DOK6: variants seen among roughly 807,000 people sequenced by gnomAD.
DOK6 encodes downstream of tyrosine kinase 6.
DOK6 carries 22 observed loss-of-function variants against 44.0 expected under a neutral mutation model. The ratio of observed to expected loss-of-function variants is 0.50; its 90% CI spans 0.36 to 0.71. DOK6 has a LOEUF of 0.71. Among genes scored for constraint, DOK6 ranks in the 30% least tolerant of loss-of-function variants. The probability of loss-of-function intolerance (pLI) is 0.00; values close to 1 mark genes in which losing one functional copy is unlikely to be tolerated. For missense variants in DOK6, 340 were observed against 416.4 expected (o/e 0.82, Z 1.60); for synonymous variants, 166 against 145.5 (o/e 1.14, Z -1.01).
At chr18:69,449,562 CT>C (rs1301985156) in intron 1 of DOK6, among the ~76,000 whole-genome samples, 2 of 152,178 alleles carry the variant, frequency 1.3e-5, no homozygotes, top group Admixed American at 6.5e-5. Context: ...GCTGTGGAAG[CT>C]CAAGGAGGCC....
At chr18:69,590,514 G>A (rs1983598739) in intron 2 of DOK6, among the ~76,000 whole-genome samples, 1 of 152,146 alleles carries the variant, frequency 6.6e-6, no homozygotes, top group Admixed American at 6.5e-5. Context: ...GAAAGACTTT[G>A]TATACGGCTG....
At chr18:69,592,398 A>G (rs73455881) in intron 2 of DOK6, among the ~76,000 whole-genome samples, 1 of 151,868 alleles carries the variant, frequency 6.6e-6, no homozygotes, top group Admixed American at 6.6e-5. Flanking sequence ...TTATTTTCCC[A>G]CTCCAAATCA....
intron 6 of DOK6, among the ~76,000 whole-genome samples, chr18:69,743,710 C>G (rs1386560701): frequency 6.7e-6 from 1 of 149,858 alleles, no homozygotes; most frequent in Non-Finnish European, 1.5e-5. Context: ...AATAAGTAAG[C>G]AAAAAGAAGT....
intron 1 of DOK6, among the ~76,000 whole-genome samples, chr18:69,458,764 A>G (rs1233014026): frequency 6.6e-6 from 1 of 152,158 alleles, no homozygotes; most frequent in Non-Finnish European, 1.5e-5. Context: ...GAATCAAATC[A>G]AGAACACAAT....
chr18:69,598,593 T>A (rs950157773), intron 2 of DOK6, among the ~76,000 whole-genome samples: 2 of 152,112 alleles, frequency 1.3e-5, no homozygotes, highest in African/African-American at 2.4e-5. Flanking sequence ...AAGCAGATTT[T>A]AAAAAATTAA....
intron 4 of DOK6, among the ~76,000 whole-genome samples, chr18:69,678,241 C>T (rs993727797): frequency 2.0e-5 from 3 of 152,002 alleles, no homozygotes; most frequent in Admixed American, 6.6e-5. Context: ...AGAGTAAGAC[C>T]CTGTCTCAGA....
chr18:69,708,279 G>C (rs1462046692), intron 5 of DOK6, among the ~76,000 whole-genome samples: 2 of 152,110 alleles, frequency 1.3e-5, no homozygotes, highest in Non-Finnish European at 2.9e-5. Flanking sequence ...AATGTGCCTA[G>C]GGCAATATTG....
chr18:69,681,093 T>C (rs932917059), intron 4 of DOK6, among the ~76,000 whole-genome samples: 1 of 152,228 alleles, frequency 6.6e-6, no homozygotes, highest in African/African-American at 2.4e-5. Flanking sequence ...AGTATTAAAT[T>C]ATATAGCTGA....
At chr18:69,490,714 T>G (rs1458768896) in intron 1 of DOK6, among the ~76,000 whole-genome samples, 1 of 152,156 alleles carries the variant, frequency 6.6e-6, no homozygotes, top group Non-Finnish European at 1.5e-5. Flanking sequence ...AAAATATAAA[T>G]ATAAATATAA....
chr18:69,402,286 A>C (rs1186991066), intron 1 of DOK6, among the ~76,000 whole-genome samples: 1 of 152,146 alleles, frequency 6.6e-6, no homozygotes, highest in Non-Finnish European at 1.5e-5. Context: ...ACTGTTCTCC[A>C]ACTTCCAGTT....
chr18:69,726,353 C>T (rs1055856487), intron 5 of DOK6, among the ~76,000 whole-genome samples: 1 of 150,348 alleles, frequency 6.7e-6, no homozygotes, highest in Non-Finnish European at 1.5e-5. Context: ...TCTTTTTGTT[C>T]TTTAATCTTT....
intron 1 of DOK6, among the ~76,000 whole-genome samples, chr18:69,445,409 A>G (rs1979255819): frequency 6.6e-6 from 1 of 152,192 alleles, no homozygotes; most frequent in South Asian, 2.1e-4. Context: ...TGTTTTGTAT[A>G]ATGCTAGTTA....
At chr18:69,424,630 T>C (rs912308882) in intron 1 of DOK6, among the ~76,000 whole-genome samples, 7 of 135,708 alleles carry the variant, frequency 5.2e-5, no homozygotes, top group Non-Finnish European at 9.8e-5. Context: ...TTGTGACTTA[T>C]AATTTTTTGT....
At chr18:69,409,248 A>G (rs1294811711) in intron 1 of DOK6, among the ~76,000 whole-genome samples, 1 of 152,196 alleles carries the variant, frequency 6.6e-6, no homozygotes, top group Non-Finnish European at 1.5e-5. Flanking sequence ...CTGTGAGTCA[A>G]TTAAACCTCT....
At chr18:69,435,061 AG>A (rs1341539690) in intron 1 of DOK6, among the ~76,000 whole-genome samples, 1 of 148,870 alleles carries the variant, frequency 6.7e-6, no homozygotes, top group African/African-American at 2.5e-5. Flanking sequence ...GAAGGAAGGA[AG>A]GAAGGAAGGA....
At chr18:69,789,783 C>T (rs1407351632) in intron 7 of DOK6, among the ~76,000 whole-genome samples, 6 of 152,162 alleles carry the variant, frequency 3.9e-5, no homozygotes, top group Non-Finnish European at 1.5e-5. Flanking sequence ...CCAGCTAGAA[C>T]TATTTGAATA....
chr18:69,541,094 G>T (rs1982256652), intron 1 of DOK6, among the ~76,000 whole-genome samples: 1 of 152,110 alleles, frequency 6.6e-6, no homozygotes, highest in African/African-American at 2.4e-5. Context: ...CTACTTACTA[G>T]TATGTTTAAT....
At chr18:69,839,577 T>C (rs2145139164) in intron 7 of DOK6, among the ~76,000 whole-genome samples, 1 of 152,322 alleles carries the variant, frequency 6.6e-6, no homozygotes, top group East Asian at 1.9e-4. Context: ...TGCACTCAGC[T>C]GAGATTAAAA....
intron 1 of DOK6, among the ~76,000 whole-genome samples, chr18:69,528,293 C>T (rs1981893491): frequency 6.6e-6 from 1 of 152,006 alleles, no homozygotes; most frequent in Non-Finnish European, 1.5e-5. Flanking sequence ...CTATCAGATG[C>T]AATTATTGTC....
Sources: gnomAD v4.1 joint callset for allele counts (sites outside exome capture counted in the v4.1 genomes callset) on GRCh38, gnomAD v4.1.1 for gene constraint, MANE v1.5 for transcripts, NCBI Gene and HGNC (gene_info 2026-07-23, HGNC 2026-07-21) for gene names.